The following NGEF variants were observed in gnomAD, a reference collection of about 807,000 sequenced individuals.
NGEF encodes the protein ephexin-1.
Under a neutral mutation model 80.9 loss-of-function variants are expected in NGEF, and 31 were observed. The observed-to-expected ratio is 0.38, with a 90% confidence interval of 0.29 to 0.52. The LOEUF is 0.52. Ranked by LOEUF, NGEF falls within the 20% of genes least tolerant of loss-of-function variation. The pLI, the probability that NGEF is intolerant of heterozygous loss-of-function variation, is 0.84. For missense variants in NGEF, 709 were observed against 926.2 expected, an observed-to-expected ratio of 0.77 and a Z score of 3.04; for synonymous variants, 371 against 370.2, an observed-to-expected ratio of 1.00 and a Z score of -0.03.
intron 4 of NGEF, among the ~76,000 whole-genome samples, chr2:232,921,759 G>A (rs1158972211): frequency 6.6e-6 from 1 of 152,040 alleles, no homozygotes. Context: ...GATTACAGAC[G>A]TGAACCCCTG....
chr2:232,886,769 C>T (rs1199537457), intron 9 of NGEF, among the ~76,000 whole-genome samples: 1 of 152,254 alleles, frequency 6.6e-6, no homozygotes, highest in Non-Finnish European at 1.5e-5. Context: ...GGGCCCCTCA[C>T]GGGCCATGGT....
chr2:232,921,131 G>A (rs994932841), intron 4 of NGEF, among the ~76,000 whole-genome samples: 2 of 152,212 alleles, frequency 1.3e-5, no homozygotes, highest in Non-Finnish European at 2.9e-5. Context: ...CTGACCAACT[G>A]TACTTGCAAT....
chr2:232,999,632 G>A (rs1306396369), intron 1 of NGEF, among the ~76,000 whole-genome samples: 1 of 152,260 alleles, frequency 6.6e-6, no homozygotes, highest in African/African-American at 2.4e-5. Flanking sequence ...TCTAGGATGA[G>A]TGGCTCAGCG....
chr2:232,905,197 C>G (rs891324599), intron 5 of NGEF, among the ~76,000 whole-genome samples: 1 of 152,328 alleles, frequency 6.6e-6, no homozygotes, highest in East Asian at 1.9e-4. Context: ...ACTGCAACCT[C>G]CCTGCCTGAT....
chr2:232,879,555 C>T lies in NGEF; in HGVS notation c.2067G>A (p.Lys689=). ...TCTGGCTGCGCTGAGGGTCATCCAT[C>T]TTGTGGACACGGAAACATTCCTTGA... ...QNLKECFRVH[K]MDDPQRSQNK... is the part of the protein sequence containing the mutation. Residue 689 remains lysine, a synonymous_variant, in exon 15 of 15, where the codon AAG becomes AAA. Coordinates refer to ENST00000264051, the MANE Select transcript of NGEF (RefSeq NM_019850.3). 6.2e-7 allele frequency: 1 copy of T among 1,613,944 alleles called. No homozygotes were observed. Among genetic ancestry groups the T allele is most frequent in the Non-Finnish European group, 8.5e-7 (1 of 1,179,988 alleles).
At chr2:232,992,148 A>G (rs1223065791) in intron 1 of NGEF, among the ~76,000 whole-genome samples, 2 of 152,320 alleles carry the variant, frequency 1.3e-5, no homozygotes, top group East Asian at 3.9e-4. Flanking sequence ...AATCTTCTTG[A>G]CATTGGCATA....
At chr2:232,982,805 C>T (rs554794432) in intron 1 of NGEF, among the ~76,000 whole-genome samples, 2 of 152,352 alleles carry the variant, frequency 1.3e-5, no homozygotes, top group South Asian at 2.1e-4. Flanking sequence ...TGAGCCACTG[C>T]GCCCGGCAGC....
At chr2:233,001,904 A>G (rs1208098468) in intron 1 of NGEF, among the ~76,000 whole-genome samples, 3 of 152,166 alleles carry the variant, frequency 2.0e-5, no homozygotes, top group Admixed American at 6.5e-5. Flanking sequence ...AATTGCAGCT[A>G]CTTGGGAGGC....
chr2:232,909,242 A>G (rs1692642364), intron 5 of NGEF, among the ~76,000 whole-genome samples: 1 of 152,208 alleles, frequency 6.6e-6, no homozygotes, highest in African/African-American at 2.4e-5. Flanking sequence ...AGTTTTATCT[A>G]GATGGTAATA....
At chr2:232,926,612 C>G (rs1693072854) in intron 4 of NGEF, among the ~76,000 whole-genome samples, 1 of 152,124 alleles carries the variant, frequency 6.6e-6, no homozygotes, top group African/African-American at 2.4e-5. Flanking sequence ...TCCCAGAACC[C>G]CCCTTCACAC....
chr2:232,932,980 G>A (rs1341909100), intron 3 of NGEF, among the ~76,000 whole-genome samples: 1 of 151,894 alleles, frequency 6.6e-6, no homozygotes, highest in Non-Finnish European at 1.5e-5. Flanking sequence ...ATGGTGGTAG[G>A]TGCCTGTAAT....
chr2:232,956,416 A>G (rs1373944070), intron 3 of NGEF, among the ~76,000 whole-genome samples: 1 of 54,680 alleles, frequency 1.8e-5, no homozygotes. Flanking sequence ...TAACAGAAGA[A>G]ACAGTTAACT....
intron 1 of NGEF, among the ~76,000 whole-genome samples, chr2:232,988,036 C>CCTGTGT (rs1553558805): frequency 0.16 from 21,729 of 140,148 alleles, 2,256 homozygotes; most frequent in East Asian, 0.2. Flanking sequence ...GGGATGGTCT[C>CCTGTGT]GTGTGTGTGT....
intron 5 of NGEF, among the ~76,000 whole-genome samples, chr2:232,896,903 T>A (rs1574998186): frequency 1.5e-5 from 1 of 68,860 alleles, no homozygotes; most frequent in African/African-American, 6.3e-5. Context: ...AGGGTGGGGG[T>A]AAGGGTAAAG....
chr2:232,966,617 T>TC (rs34377113), intron 3 of NGEF, among the ~76,000 whole-genome samples: 120,783 of 151,916 alleles, frequency 0.8, 48,615 homozygotes, highest in African/African-American at 0.92. Context: ...CCCTGACAAC[T>TC]CCCCCAAACA....
Position 232,950,403 on chromosome 2 carries a change from A to G in NGEF, c.383+19811T>C, listed in dbSNP as rs182404601. Among the ~76,000 whole-genome samples, 5 of 152,346 alleles carry G rather than the reference A, an allele frequency of 3.3e-5. 1 individual carries two copies. The highest frequency in any genetic ancestry group is 3.3e-4 in the Admixed American group (5 of 15,304). Reference sequence around the variant, plus strand: ...TTTCTAAAGGATTTGTAGATCAAATATCAGTGATAGGCTGATAGGTGCTGA... The same window carrying G: ...TTTCTAAAGGATTTGTAGATCAAATGTCAGTGATAGGCTGATAGGTGCTGA... On this transcript the variant is annotated intron_variant, in intron 3 of 14. Transcript: ENST00000264051.
intron 5 of NGEF, among the ~76,000 whole-genome samples, chr2:232,896,615 T>TGGGGTTGAGGGTAGGAGTG (rs1422351616): frequency 8.1e-5 from 3 of 36,824 alleles, no homozygotes; most frequent in African/African-American, 1.3e-4. Flanking sequence ...AGGGTAAGGT[T>TGGGGTTGAGGGTAGGAGTG]GGGGTTGAGG....
At chr2:232,971,839 G>C (rs981991795) in intron 2 of NGEF, among the ~76,000 whole-genome samples, 7 of 152,132 alleles carry the variant, frequency 4.6e-5, no homozygotes, top group Admixed American at 3.9e-4. Context: ...TTCCCCAGCG[G>C]CCCTCTTGCC....
intron 4 of NGEF, among the ~76,000 whole-genome samples, chr2:232,923,286 TGAAAA>T (rs1443736490): frequency 6.6e-6 from 1 of 152,242 alleles, no homozygotes; most frequent in East Asian, 1.9e-4. Flanking sequence ...GTAGCTGGGT[TGAAAA>T]GAATAGTTCT....
Sources: gnomAD v4.1 joint callset for allele counts (sites outside exome capture counted in the v4.1 genomes callset) on GRCh38, gnomAD v4.1.1 for gene constraint, MANE v1.5 for transcripts, NCBI Gene and HGNC (gene_info 2026-07-23, HGNC 2026-07-21) for gene names.